The following ABLIM3 variants were observed in gnomAD, a reference collection of about 807,000 sequenced individuals.
ABLIM3 encodes the protein actin binding LIM protein family member 3.
In ABLIM3, 61 loss-of-function variants were observed where a neutral mutation model predicts 109.5. That is an observed-to-expected ratio of 0.56 (90% CI 0.45 to 0.69). ABLIM3 has a LOEUF of 0.69. Among genes scored for constraint, ABLIM3 ranks in the 30% least tolerant of loss-of-function variants. The pLI, the probability that ABLIM3 is intolerant of heterozygous loss-of-function variation, is 0.00. For missense variants in ABLIM3, 796 were observed against 889.5 expected, an observed-to-expected ratio of 0.89 and a Z score of 1.34; for synonymous variants, 300 against 324.8, an observed-to-expected ratio of 0.92 and a Z score of 0.82.
intron 2 of ABLIM3, among the ~76,000 whole-genome samples, chr5:149,166,009 T>C (rs1197291074): frequency 1.3e-5 from 2 of 152,276 alleles, no homozygotes; most frequent in Non-Finnish European, 2.9e-5. Flanking sequence ...TATTTTGTCC[T>C]CATGGCCTGG....
chr5:149,258,428 G>A lies in ABLIM3; in HGVS notation c.*24G>A, dbSNP rs199720860. The A allele has an allele frequency of 2.0e-4, 321 of 1,601,522 alleles. No individual in the cohort carries two copies. The African/African-American group carries it at 3.9e-3, about 20-fold the overall frequency. On this transcript the variant is annotated 3_prime_UTR_variant, in exon 24 of 24. Transcript: ENST00000309868. ...AGGCAGAGGCTCTATAAATATATATGCATTTATATAAAGATATATGTAAAA... is the reference window on the plus strand; with the variant it reads ...AGGCAGAGGCTCTATAAATATATATACATTTATATAAAGATATATGTAAAA...
At chr5:149,163,940 C>T (rs549040593) in intron 2 of ABLIM3, 46 of 152,314 alleles carry the variant, frequency 3.0e-4, no homozygotes, top group African/African-American at 1.0e-3. Context: ...TTGTTGGTCA[C>T]ACAACAAGTC....
intron 8 of ABLIM3, among the ~76,000 whole-genome samples, chr5:149,230,224 C>T (rs999700396): frequency 6.6e-6 from 1 of 152,148 alleles, no homozygotes. Flanking sequence ...GTGCTGGGGA[C>T]TGTGGGAGAT....
At chr5:149,230,824 G>A (rs1025359853) in intron 9 of ABLIM3, 117 bp downstream of exon 9, 2 of 1,166,726 alleles carry the variant, frequency 1.7e-6, no homozygotes. Flanking sequence ...ACTCCCAAAT[G>A]TGTGCCTATG....
At position 149,251,427 on chromosome 5, in the gene ABLIM3, C is replaced by A; in HGVS notation, c.1849+8C>A. 6.2e-7 allele frequency: 1 copy of A among 1,613,818 alleles called. No individual in the cohort carries two copies. Among genetic ancestry groups the A allele is most frequent in the East Asian group, 2.2e-5 (1 of 44,876 alleles). ...TCAACTGGGGCATGCGAGGTGAGTG[C>A]AGGCCTGCAGGGGGTCTGCAGGGAG... On this transcript the variant is annotated splice_region_variant and intron_variant, in intron 21 of 23. Coordinates refer to ENST00000309868, the MANE Select transcript of ABLIM3 (RefSeq NM_014945.5).
chr5:149,179,101 A>T (rs1008495338), intron 2 of ABLIM3, among the ~76,000 whole-genome samples: 1 of 152,154 alleles, frequency 6.6e-6, no homozygotes, highest in Non-Finnish European at 1.5e-5. Flanking sequence ...GAGGTCGGTC[A>T]CACCTCCCCT....
chr5:149,191,588 C>T (rs2127486674), intron 3 of ABLIM3, among the ~76,000 whole-genome samples: 1 of 147,942 alleles, frequency 6.8e-6, no homozygotes, highest in Non-Finnish European at 1.5e-5. Flanking sequence ...CAATACCAAA[C>T]AAGGAAAAAT....
At chr5:149,158,454 C>T (rs920320927) in intron 2 of ABLIM3, among the ~76,000 whole-genome samples, 6 of 152,060 alleles carry the variant, frequency 3.9e-5, no homozygotes, top group African/African-American at 1.4e-4. Context: ...AAAAGGAATC[C>T]TCAAATGATC....
Position 149,216,940 on chromosome 5 carries a change from C to T in ABLIM3, c.670-19C>T. 1 of 1,611,784 alleles carries T rather than the reference C, an allele frequency of 6.2e-7. No individual in the cohort carries two copies. The highest frequency in any genetic ancestry group is 8.5e-7 in the Non-Finnish European group (1 of 1,177,964). On this transcript the variant is annotated intron_variant, in intron 7 of 23. Transcript: ENST00000309868. Reference sequence around the variant, plus strand: ...CAGCCCTGGCTCTGACCTCCTGTTTCATCTTTTCATTTCCATAGGCAGGAG... The same window carrying T: ...CAGCCCTGGCTCTGACCTCCTGTTTTATCTTTTCATTTCCATAGGCAGGAG...
At chr5:149,174,843 G>C (rs1283027507) in intron 2 of ABLIM3, 1 of 152,202 alleles carries the variant, frequency 6.6e-6, no homozygotes, top group South Asian at 2.1e-4. Context: ...TCCTCTCTGT[G>C]CTTCAAATTC....
chr5:149,217,809 TA>T (rs1760249701), intron 8 of ABLIM3: 1 of 152,256 alleles, frequency 6.6e-6, no homozygotes, highest in African/African-American at 2.4e-5. Flanking sequence ...ACCCGACACC[TA>T]AGCTACCAAA....
At chr5:149,242,285 C>T (rs1752931370) in intron 14 of ABLIM3, among the ~76,000 whole-genome samples, 1 of 152,178 alleles carries the variant, frequency 6.6e-6, no homozygotes, top group African/African-American at 2.4e-5. Flanking sequence ...TCTTCCCGCA[C>T]CTTACTTGGA....
chr5:149,194,631 G>A (rs1412853040), intron 3 of ABLIM3, among the ~76,000 whole-genome samples: 1 of 152,190 alleles, frequency 6.6e-6, no homozygotes, highest in Non-Finnish European at 1.5e-5. Context: ...GTGCATCGAC[G>A]TGGATGAATC....
intron 10 of ABLIM3, among the ~76,000 whole-genome samples, chr5:149,233,934 T>C (rs1292395180): frequency 6.6e-6 from 1 of 152,230 alleles, no homozygotes; most frequent in Non-Finnish European, 1.5e-5. Context: ...TTGAGTTCAA[T>C]GACCTCAGAG....
At chr5:149,225,939 A>ATG (rs1241918480) in intron 8 of ABLIM3, among the ~76,000 whole-genome samples, 1 of 141,846 alleles carries the variant, frequency 7.0e-6, no homozygotes, top group East Asian at 2.0e-4. Flanking sequence ...ATATATATAT[A>ATG]TGTATGTATG....
intron 6 of ABLIM3, among the ~76,000 whole-genome samples, 198 bp downstream of exon 6, chr5:149,207,332 AC>A (rs1260038330): frequency 1.3e-5 from 2 of 148,424 alleles, no homozygotes; most frequent in Non-Finnish European, 3.0e-5. Flanking sequence ...TGCCTGAGAC[AC>A]CCTCCCTGTT....
At chr5:149,250,228 G>T (rs953624455) in intron 19 of ABLIM3, among the ~76,000 whole-genome samples, 4 of 152,154 alleles carry the variant, frequency 2.6e-5, no homozygotes, top group African/African-American at 9.7e-5. Flanking sequence ...TGTATGAGTG[G>T]GTGCCTTGGG....
At chr5:149,175,163 A>G (rs1358767747) in intron 2 of ABLIM3, among the ~76,000 whole-genome samples, 2 of 152,182 alleles carry the variant, frequency 1.3e-5, no homozygotes, top group Admixed American at 6.5e-5. Context: ...AATCTTCTTT[A>G]TTCCTCAGAT....
chr5:149,227,474 A>G (rs562525879), intron 8 of ABLIM3, among the ~76,000 whole-genome samples: 1 of 152,208 alleles, frequency 6.6e-6, no homozygotes, highest in Non-Finnish European at 1.5e-5. Context: ...TGCCTTATAA[A>G]ATTGGTTTCT....
Sources: allele counts gnomAD v4.1 joint callset (sites outside exome capture counted in the v4.1 genomes callset), GRCh38; gene constraint gnomAD v4.1.1; transcripts MANE v1.5; gene names NCBI Gene and HGNC (gene_info 2026-07-23, HGNC 2026-07-21).